MLXIP: variants seen among roughly 807,000 people sequenced by gnomAD.
The protein encoded by MLXIP is MLX-interacting protein.
A neutral mutation model predicts 87.2 loss-of-function variants in MLXIP; 30 were observed. That is an observed-to-expected ratio of 0.34 (90% CI 0.26 to 0.47). The LOEUF (loss-of-function observed/expected upper bound fraction) is 0.47. MLXIP is among the 20% of genes least tolerant of loss of function. The probability of loss-of-function intolerance (pLI) is 1.00; values close to 1 mark genes in which losing one functional copy is unlikely to be tolerated. For missense variants in MLXIP, 1,002 were observed against 1,240.1 expected (o/e 0.81, Z 2.88); for synonymous variants, 530 against 514.0 (o/e 1.03, Z -0.42).
chr12:122,103,298 C>T (rs1277987020), intron 1 of MLXIP, among the ~76,000 whole-genome samples: 3 of 152,054 alleles, frequency 2.0e-5, no homozygotes, highest in Non-Finnish European at 4.4e-5. Context: ...AGTTTTGGCT[C>T]ACTGCAACCT....
intron 1 of MLXIP, among the ~76,000 whole-genome samples, chr12:122,103,280 G>C (rs1468263288): frequency 6.6e-6 from 1 of 151,536 alleles, no homozygotes; most frequent in Non-Finnish European, 1.5e-5. Context: ...GCTGGAGTGT[G>C]GTGGTGCAGT....
chr12:122,126,467 A>G (rs1952883325), intron 1 of MLXIP, among the ~76,000 whole-genome samples: 1 of 152,112 alleles, frequency 6.6e-6, no homozygotes, highest in Non-Finnish European at 1.5e-5. Flanking sequence ...ATCTTGAAGG[A>G]TTAGGAGGTG....
intron 1 of MLXIP, among the ~76,000 whole-genome samples, chr12:122,098,528 A>G (rs1952390019): frequency 1.3e-5 from 2 of 152,220 alleles, no homozygotes; most frequent in Admixed American, 6.5e-5. Context: ...TAGGCGACCC[A>G]TGGCTGCAGA....
intron 1 of MLXIP, among the ~76,000 whole-genome samples, chr12:122,085,405 A>ATT (rs758637383): frequency 2.5e-4 from 36 of 142,944 alleles, no homozygotes; most frequent in African/African-American, 8.7e-4. Context: ...TCTGTAGTGA[A>ATT]TTTTTTTTTT....
chr12:122,131,975 G>GATC (rs1952989325), intron 7 of MLXIP, among the ~76,000 whole-genome samples: 1 of 139,852 alleles, frequency 7.2e-6, no homozygotes, highest in Non-Finnish European at 1.5e-5. Flanking sequence ...TCAGGCTGGA[G>GATC]TGCAGTGGTG....
intron 1 of MLXIP, among the ~76,000 whole-genome samples, chr12:122,122,679 G>C (rs895956303): frequency 2.0e-5 from 3 of 151,954 alleles, no homozygotes; most frequent in Admixed American, 6.6e-5. Flanking sequence ...GTAGCTGGGA[G>C]TACAGGCGCC....
chr12:122,118,088 G>A (rs1034208364), intron 1 of MLXIP, among the ~76,000 whole-genome samples: 2 of 152,156 alleles, frequency 1.3e-5, no homozygotes, highest in African/African-American at 4.8e-5. Context: ...CATAAGCACT[G>A]TGATACCACA....
chr12:122,141,771 A>G lies in MLXIP; in HGVS notation c.2719A>G (p.Lys907Glu), dbSNP rs375082353. 2.0e-5 allele frequency: 33 copies of G among 1,613,802 alleles called. No homozygotes were observed. In the African/African-American group the frequency reaches 3.9e-4, roughly 19 times the overall value. ...GGCACAGCTGCCAGAGCAGGCGTCCAAGGCTGTCACCAGGATTGGCAAGAG... is the reference window on the plus strand; with the variant it reads ...GGCACAGCTGCCAGAGCAGGCGTCCGAGGCTGTCACCAGGATTGGCAAGAG... Reference protein sequence around the residue: ...DPAQLPEQASKAVTRIGKRLG... With the variant: ...DPAQLPEQASEAVTRIGKRLG... The change falls in exon 17 of 17, where the codon AAG (lysine) becomes GAG (glutamate). Residue 907 changes from lysine (K) to glutamate (E), a missense_variant. Physicochemically the swap from Lys to Glu is moderately conservative, Grantham distance 56 (BLOSUM62 1). Coordinates refer to ENST00000319080, the MANE Select transcript of MLXIP (RefSeq NM_014938.6).
In MLXIP at chr12:122,079,111, G is replaced by T; in HGVS notation, c.258G>T (p.Ser86=). Reference sequence around the variant, plus strand: ...ACAGCGGCCACTTCATGGTGTCGTCGCCGCACCGAGAGCACCCGCCCAAGA... The same window carrying T: ...ACAGCGGCCACTTCATGGTGTCGTCTCCGCACCGAGAGCACCCGCCCAAGA... ...IIHSGHFMVS[S]PHREHPPKKG... Residue 86 remains serine (S), a synonymous_variant, in exon 1 of 17, where the codon TCG becomes TCT. Coordinates refer to ENST00000319080, the MANE Select transcript of MLXIP (RefSeq NM_014938.6). 2 of 1,547,586 alleles carry T rather than the reference G, an allele frequency of 1.3e-6. No homozygotes were observed. Among genetic ancestry groups the T allele is most frequent in the Non-Finnish European group, 8.7e-7 (1 of 1,146,186 alleles).
At chr12:122,138,094 C>T (rs1044084277) in intron 12 of MLXIP, 100 bp from the exon 13 acceptor site, 90 of 1,025,262 alleles carry the variant, frequency 8.8e-5, no homozygotes, top group African/African-American at 2.6e-4. Context: ...AGCTCTCTAG[C>T]CCTGGCCCTT....
At position 122,129,161 on chromosome 12, in the gene MLXIP, T is replaced by C; in HGVS notation, c.631T>C (p.Trp211Arg). 1 of 1,611,162 alleles carries C rather than the reference T, an allele frequency of 6.2e-7. No homozygotes were observed. The highest frequency in any genetic ancestry group is 8.5e-7 in the Non-Finnish European group (1 of 1,178,760). The change falls in exon 4 of 17, where the codon TGG (tryptophan) becomes CGG (arginine). Residue 211 changes from tryptophan to arginine, a missense_variant. By Grantham distance (101) the Trp-to-Arg change is moderately radical. Around this residue, in one of 3 missense-constraint regions of MLXIP, gnomAD observed 127 missense variants for 239.0 expected, o/e 0.53. Transcript: ENST00000319080. ...PEAITTEGKY[W>R]KSRIEIVIRE... ...GGCCATCACCACGGAAGGGAAGTAC[T>C]GGAAGAGCCGCATCGAGATTGTGAT...
intron 1 of MLXIP, among the ~76,000 whole-genome samples, chr12:122,120,849 A>C (rs557313762): frequency 6.6e-6 from 1 of 152,134 alleles, no homozygotes; most frequent in South Asian, 2.1e-4. Context: ...GTAGGGAGGA[A>C]GCCAGGGATG....
At chr12:122,139,922 C>T (rs893869985) in intron 15 of MLXIP, among the ~76,000 whole-genome samples, 1 of 152,224 alleles carries the variant, frequency 6.6e-6, no homozygotes, top group Non-Finnish European at 1.5e-5. Context: ...GATCCCCCTG[C>T]CTTGGCCTCC....
At chr12:122,120,418 C>T (rs754935738) in intron 1 of MLXIP, among the ~76,000 whole-genome samples, 1 of 152,132 alleles carries the variant, frequency 6.6e-6, no homozygotes, top group South Asian at 2.1e-4. Flanking sequence ...AGATGGTGGT[C>T]TCTCACTACG....
Position 122,147,297 on chromosome 12 carries a change from A to G in MLXIP, c.*5485A>G, listed in dbSNP as rs993379303. ...TTCAACACTACAATGCATTTTTTAA[A>G]CTATATTTGCATCCAAGACAATAAA... is the stretch of plus-strand genomic sequence containing the variant. On this transcript the variant is annotated 3_prime_UTR_variant, in exon 17 of 17. Transcript: ENST00000319080. 6.6e-5 allele frequency: 10 copies of G among 152,136 alleles called. No individual in the cohort carries two copies. The highest frequency in any genetic ancestry group is 2.4e-4 in the African/African-American group (10 of 41,422). 9.4% of individuals were successfully genotyped at this position (152,136 alleles called of 1,614,324 possible).
chr12:122,136,530 G>A (rs1210087210), intron 11 of MLXIP: 4 of 150,992 alleles, frequency 2.6e-5, no homozygotes, highest in Non-Finnish European at 5.9e-5. Context: ...TCAGGAGACC[G>A]AGATGGGAGA....
chr12:122,104,715 G>A (rs150540072), intron 1 of MLXIP, among the ~76,000 whole-genome samples: 1 of 151,710 alleles, frequency 6.6e-6, no homozygotes. Flanking sequence ...GAGTAGCTGG[G>A]ACTATAGGTG....
At chr12:122,082,499 G>T (rs1431747546) in intron 1 of MLXIP, among the ~76,000 whole-genome samples, 2 of 152,214 alleles carry the variant, frequency 1.3e-5, no homozygotes, top group African/African-American at 4.8e-5. Flanking sequence ...TGGGGCTAGT[G>T]CCTGGCAAGT....
intron 1 of MLXIP, among the ~76,000 whole-genome samples, chr12:122,100,486 T>G (rs2135925307): frequency 6.6e-6 from 1 of 152,368 alleles, no homozygotes; most frequent in East Asian, 1.9e-4. Flanking sequence ...CTTGAACATA[T>G]TGAACATAAC....
Sources: allele counts gnomAD v4.1 joint callset (sites outside exome capture counted in the v4.1 genomes callset), GRCh38; gene constraint gnomAD v4.1.1; regional missense constraint gnomAD v4.1.1; transcripts MANE v1.5; gene names NCBI Gene and HGNC (gene_info 2026-07-23, HGNC 2026-07-21).